The following TFR2 variants were observed in gnomAD, a reference collection of about 807,000 sequenced individuals.
TFR2 encodes transferrin receptor 2, also known as transferrin receptor protein 2.
Under a neutral mutation model 91.9 loss-of-function variants are expected in TFR2, and 64 were observed. The ratio of observed to expected loss-of-function variants is 0.70; its 90% CI spans 0.57 to 0.86. TFR2 has a LOEUF of 0.86. Among genes scored for constraint, TFR2 ranks in the 40% least tolerant of loss-of-function variants. The pLI, the probability that TFR2 is intolerant of heterozygous loss-of-function variation, is 0.00. For synonymous variants in TFR2, 454 were observed against 459.6 expected (o/e 0.99, Z 0.15); for missense variants, 950 against 1,080.5 (o/e 0.88, Z 1.69).
At chr7:100,621,976 G>C (rs1803124780) in intron 17 of TFR2, among the ~76,000 whole-genome samples, 1 of 152,092 alleles carries the variant, frequency 6.6e-6, no homozygotes, top group Non-Finnish European at 1.5e-5. Flanking sequence ...AATTATCATT[G>C]CCTGGGCACC....
Position 100,633,565 on chromosome 7 carries a change from G to A in TFR2, c.474-9C>T, listed in dbSNP as rs1803512894. ...CCCGAAGGCTGGTTTGCCTAAGCGG[G>A]GAGAGGTGGGGACTTTTCTGGGCGC... On this transcript the variant is annotated splice_polypyrimidine_tract_variant and intron_variant, in intron 3 of 17. Transcript: ENST00000223051. The A allele has an allele frequency of 1.3e-6, 2 of 1,597,370 alleles. No individual in the cohort carries two copies. The highest frequency in any genetic ancestry group is 8.5e-7 in the Non-Finnish European group (1 of 1,177,532).
At chr7:100,625,064 T>C (rs1187846206) in intron 17 of TFR2, among the ~76,000 whole-genome samples, 4 of 147,486 alleles carry the variant, frequency 2.7e-5, no homozygotes, top group Non-Finnish European at 6.0e-5. Flanking sequence ...TTTTTCTTTT[T>C]TTTTTTTTTT....
intron 17 of TFR2, among the ~76,000 whole-genome samples, chr7:100,622,124 C>G (rs75827708): frequency 0.035 from 5,330 of 152,250 alleles, 309 homozygotes; most frequent in African/African-American, 0.12. Context: ...CCCCAGAGGT[C>G]AAGTGATCTT....
Position 100,641,239 on chromosome 7 carries a change from G to C in TFR2, c.34-11C>G. ...TGGGGACAGTTGTTGCTGTGCAGGC[G>C]AGGTGGGCATGAGATTGGGGCAAGA... On this transcript the variant is annotated splice_polypyrimidine_tract_variant and intron_variant, in intron 1 of 17. Coordinates refer to ENST00000223051, the MANE Select transcript of TFR2 (RefSeq NM_003227.4). 3 of 1,537,996 alleles carry C rather than the reference G, an allele frequency of 2.0e-6. No homozygotes were observed. Among genetic ancestry groups the C allele is most frequent in the African/African-American group, 2.7e-5 (2 of 72,920 alleles).
In TFR2 at chr7:100,628,211, G is replaced by A. The variant is rs200201634; in HGVS notation, c.1473+13C>T. 6.2e-7 allele frequency: 1 copy of A among 1,613,502 alleles called. No individual in the cohort carries two copies. Among genetic ancestry groups the A allele is most frequent in the Non-Finnish European group, 8.5e-7 (1 of 1,179,754 alleles). On this transcript the variant is annotated intron_variant, in intron 11 of 17. Coordinates refer to ENST00000223051, the MANE Select transcript of TFR2 (RefSeq NM_003227.4). ...CCCCAATGCCTAACGACCTGCCCGG[G>A]ACCCCGTATCACCTCTAGCCACTCC...
chr7:100,627,135 G>T, intron 16 of TFR2, 129 bp downstream of exon 16: 2 of 1,257,182 alleles, frequency 1.6e-6, no homozygotes, highest in Non-Finnish European at 1.1e-6. Flanking sequence ...ACTGGAGGCA[G>T]GGGGTTAATG....
intron 3 of TFR2, among the ~76,000 whole-genome samples, chr7:100,634,018 C>G (rs1803525125): frequency 6.6e-6 from 1 of 151,836 alleles, no homozygotes; most frequent in Non-Finnish European, 1.5e-5. Context: ...CTCCGCGGAC[C>G]CATTTTCTCC....
intron 10 of TFR2, 49 bp downstream of exon 10, chr7:100,629,204 C>T (rs372371707): frequency 1.5e-5 from 24 of 1,609,922 alleles, no homozygotes; most frequent in Non-Finnish European, 2.0e-5. Context: ...CCTCGGGCCA[C>T]AGGCCCACCG....
intron 16 of TFR2, 101 bp from the exon 17 acceptor site, chr7:100,627,004 A>AC: frequency 7.3e-7 from 1 of 1,378,006 alleles, no homozygotes; most frequent in Non-Finnish European, 9.3e-7. Flanking sequence ...GGGGGCTGGG[A>AC]CCCCTGGCCG....
intron 3 of TFR2, among the ~76,000 whole-genome samples, chr7:100,636,695 C>T (rs757592019): frequency 9.9e-5 from 15 of 152,110 alleles, no homozygotes; most frequent in Non-Finnish European, 2.2e-4. Flanking sequence ...GCTGTACCTG[C>T]TCTTCAACCC....
intron 9 of TFR2, among the ~76,000 whole-genome samples, chr7:100,630,568 G>T (rs1803405079): frequency 6.6e-6 from 1 of 152,232 alleles, no homozygotes; most frequent in Non-Finnish European, 1.5e-5. Context: ...GGGATTACAG[G>T]CGTGAGCCAC....
At chr7:100,633,797 C>T in intron 3 of TFR2, 1 of 597,372 alleles carries the variant, frequency 1.7e-6, no homozygotes, top group Non-Finnish European at 2.6e-6. Flanking sequence ...CAACTTCCGC[C>T]TTCCTGGTTC....
At position 100,633,276 on chromosome 7, in the gene TFR2, C is replaced by T; in HGVS notation, c.679G>A (p.Glu227Lys). The change falls in exon 5 of 18, where the codon GAG (glutamate) becomes AAG (lysine). Residue 227 changes from glutamate (E) to lysine (K), a missense_variant. Transcript: ENST00000223051. Reference protein sequence around the residue: ...AGKVGEQLPLEDPDVYCPYSA... With the variant: ...AGKVGEQLPLKDPDVYCPYSA... ...TAGGGGCAGTAGACGTCAGGGTCCT[C>T]CAGCGGCAGCTGCTCTCCGACCTTC... is the stretch of plus-strand genomic sequence containing the variant. 1 of 1,613,866 alleles carries T rather than the reference C, an allele frequency of 6.2e-7. No individual in the cohort carries two copies. The highest frequency in any genetic ancestry group is 8.5e-7 in the Non-Finnish European group (1 of 1,179,876).
chr7:100,632,236 A>G (rs1389149604), intron 6 of TFR2, 38 bp from the exon 7 acceptor site: 2 of 1,584,978 alleles, frequency 1.3e-6, no homozygotes, highest in Non-Finnish European at 1.7e-6. Context: ...CTCCCAGAAA[A>G]AAACCCGATT....
At position 100,633,431 on chromosome 7, in the gene TFR2, A is replaced by C; in HGVS notation, c.599T>G (p.Leu200Arg). 1 of 1,611,480 alleles carries C rather than the reference A, an allele frequency of 6.2e-7. No homozygotes were observed. Among genetic ancestry groups the C allele is most frequent in the Non-Finnish European group, 8.5e-7 (1 of 1,178,960 alleles). Residue 200 changes from leucine (L) to arginine (R), a missense_variant, in exon 4 of 18, where the codon CTG becomes CGG. Physicochemically the swap from Leu to Arg is moderately radical, Grantham distance 102. Coordinates refer to ENST00000223051, the MANE Select transcript of TFR2 (RefSeq NM_003227.4). ...GCGCACTCACGGATCCGGGAATTGC[A>C]GCCCCACGTAGTGCGTGTCGGTCCA... is the stretch of plus-strand genomic sequence containing the variant. Reference protein sequence around the residue: ...HVWTDTHYVGLQFPDPAHPNT... With the variant: ...HVWTDTHYVGRQFPDPAHPNT...
intron 3 of TFR2, among the ~76,000 whole-genome samples, chr7:100,636,395 CA>C (rs1803572396): frequency 6.6e-6 from 1 of 151,974 alleles, no homozygotes; most frequent in Non-Finnish European, 1.5e-5. Flanking sequence ...AGGCTGGTCT[CA>C]AACTCCTGAC....
chr7:100,624,007 G>A (rs1803188384), intron 17 of TFR2, among the ~76,000 whole-genome samples: 1 of 151,962 alleles, frequency 6.6e-6, no homozygotes, highest in Non-Finnish European at 1.5e-5. Flanking sequence ...AGTGAGCCGG[G>A]ATCGCGCCAC....
intron 17 of TFR2, among the ~76,000 whole-genome samples, chr7:100,622,208 A>G (rs1584452627): frequency 6.6e-6 from 1 of 152,086 alleles, no homozygotes; most frequent in South Asian, 2.1e-4. Flanking sequence ...AGATGCTCAC[A>G]TCTTTTTAAG....
In TFR2 at chr7:100,640,979, C is replaced by T. The variant is rs746436648; in HGVS notation, c.283G>A (p.Gly95Arg). The T allele has an allele frequency of 2.5e-6, 4 of 1,609,990 alleles. No individual in the cohort carries two copies. The highest frequency in any genetic ancestry group is 3.3e-5 in the Admixed American group (2 of 59,826). Residue 95 changes from glycine (G) to arginine (R), a missense_variant, in exon 2 of 18, where the codon GGG (glycine) becomes AGG (arginine). Physicochemically the swap from Gly to Arg is moderately radical, Grantham distance 125. Coordinates refer to ENST00000223051, the MANE Select transcript of TFR2 (RefSeq NM_003227.4). ...TGGGGAGGGGGACGGCTCTCACCCCCAGTGAAGATCAGCAGGGCCGTCAGG... is the reference window on the plus strand; with the variant it reads ...TGGGGAGGGGGACGGCTCTCACCCCTAGTGAAGATCAGCAGGGCCGTCAGG... The part of the protein sequence containing the change: ...LVLTALLIFT[G>R]AFLLGYVAFR...
Sources: allele counts gnomAD v4.1 joint callset (sites outside exome capture counted in the v4.1 genomes callset), GRCh38; gene constraint gnomAD v4.1.1; transcripts MANE v1.5; gene names NCBI Gene and HGNC (gene_info 2026-07-23, HGNC 2026-07-21).